The following EVL variants were observed in gnomAD, a reference collection of about 807,000 sequenced individuals.
EVL encodes Enah/Vasp-like.
In EVL, 21 loss-of-function variants were observed where a neutral mutation model predicts 59.6. The observed-to-expected ratio is 0.35, with a 90% CI of 0.25 to 0.51. The LOEUF is 0.51. Ranked by LOEUF, EVL falls within the 20% of genes least tolerant of loss-of-function variation. The probability of loss-of-function intolerance (pLI) is 0.97; values close to 1 mark genes in which losing one functional copy is unlikely to be tolerated. For missense variants in EVL, 462 were observed against 546.6 expected (o/e 0.85, Z 1.54); for synonymous variants, 198 against 203.5 (o/e 0.97, Z 0.23).
intron 1 of EVL, among the ~76,000 whole-genome samples, chr14:100,043,778 A>T (rs1034455343): frequency 6.6e-6 from 1 of 151,416 alleles, no homozygotes; most frequent in African/African-American, 2.4e-5. Context: ...ATGCCTGGCT[A>T]ATTTTTAAAT....
intron 1 of EVL, among the ~76,000 whole-genome samples, chr14:100,027,098 T>C (rs1476030089): frequency 6.6e-6 from 1 of 152,218 alleles, no homozygotes; most frequent in Non-Finnish European, 1.5e-5. Context: ...AATTATTTAT[T>C]TATAAAAATT....
chr14:100,038,771 G>GGGGTGTGTGTGTGTGT (rs375810603), intron 1 of EVL, among the ~76,000 whole-genome samples: 38 of 141,006 alleles, frequency 2.7e-4, no homozygotes, highest in Non-Finnish European at 3.2e-4. Flanking sequence ...TGTGCCCTGG[G>GGGGTGTGTGTGTGTGT]GTGTGTGTGT....
intron 9 of EVL, 151 bp downstream of exon 9, chr14:100,136,119 A>G (rs79050653): frequency 3.9e-4 from 87 of 224,762 alleles, no homozygotes; most frequent in Admixed American, 8.6e-4. Flanking sequence ...TGGGTCCCCC[A>G]GAGCCTCCCC....
intron 1 of EVL, among the ~76,000 whole-genome samples, chr14:100,066,278 CA>C (rs1430257654): frequency 6.6e-6 from 1 of 152,156 alleles, no homozygotes; most frequent in Non-Finnish European, 1.5e-5. Context: ...GCCATTTCGC[CA>C]GTTTTCTTAT....
intron 1 of EVL, among the ~76,000 whole-genome samples, chr14:100,024,806 C>CT (rs2061182907): frequency 6.6e-6 from 1 of 152,094 alleles, no homozygotes; most frequent in Admixed American, 6.5e-5. Context: ...TCAAACATGT[C>CT]TAACACGGTT....
At chr14:100,034,612 T>C (rs1368439505) in intron 1 of EVL, among the ~76,000 whole-genome samples, 1 of 151,960 alleles carries the variant, frequency 6.6e-6, no homozygotes, top group African/African-American at 2.4e-5. Flanking sequence ...TGGTACATGC[T>C]TGTGGGCCCA....
intron 1 of EVL, among the ~76,000 whole-genome samples, chr14:100,047,284 T>C (rs2061569529): frequency 6.6e-6 from 1 of 151,968 alleles, no homozygotes. Flanking sequence ...TAGTTACCAT[T>C]GGCTAGATGG....
In EVL at chr14:100,138,047, G is replaced by A. The variant is rs1888924020; in HGVS notation, c.1094+245G>A. The A allele has an allele frequency of 2.0e-5, 12 of 587,362 alleles. No individual in the cohort carries two copies. The South Asian group carries it at 2.2e-4, about 11-fold the overall frequency. The allele number at this position is 587,362 out of a possible 1,614,324, so 36.4% of individuals were successfully genotyped here. A position where few individuals can be genotyped will look rare whatever the true frequency, so the allele number is the denominator to read the frequency against. ...GACCTGTCCACAGAGGTAGTGCAGG[G>A]GGGGGCCAACATGGAGTCCCAGCTC... On this transcript the variant is annotated intron_variant, in intron 11 of 13. Transcript: ENST00000392920.
chr14:100,133,055 C>T (rs940887552), intron 8 of EVL, among the ~76,000 whole-genome samples: 10 of 152,252 alleles, frequency 6.6e-5, no homozygotes, highest in Admixed American at 2.0e-4. Context: ...AGGGCTACCT[C>T]GCCTTCCCAG....
intron 3 of EVL, among the ~76,000 whole-genome samples, chr14:100,100,608 T>C (rs1367746296): frequency 6.6e-6 from 1 of 152,000 alleles, no homozygotes; most frequent in Non-Finnish European, 1.5e-5. Flanking sequence ...GTCATGTAAA[T>C]GAAATCATAC....
chr14:100,055,880 C>T (rs981582324), intron 1 of EVL, among the ~76,000 whole-genome samples: 3 of 151,992 alleles, frequency 2.0e-5, no homozygotes, highest in Non-Finnish European at 4.4e-5. Context: ...GGCTCGATCT[C>T]GGCTCACCAC....
chr14:100,022,669 A>G (rs987621254), intron 1 of EVL, among the ~76,000 whole-genome samples: 6 of 152,202 alleles, frequency 3.9e-5, no homozygotes, highest in Admixed American at 6.5e-5. Context: ...GAATTCATAA[A>G]AACAACAGAA....
chr14:100,102,840 G>C (rs1886308489), intron 3 of EVL, among the ~76,000 whole-genome samples: 2 of 152,192 alleles, frequency 1.3e-5, no homozygotes, highest in South Asian at 4.1e-4. Context: ...GCTCACGCCT[G>C]TAATCCCACC....
intron 3 of EVL, among the ~76,000 whole-genome samples, chr14:100,117,440 C>A (rs1407657832): frequency 2.0e-5 from 3 of 152,242 alleles, no homozygotes; most frequent in African/African-American, 7.2e-5. Context: ...TGTCTCTGTG[C>A]CCCGCTTGAC....
intron 1 of EVL, among the ~76,000 whole-genome samples, chr14:100,002,535 A>C (rs1392853187): frequency 6.6e-6 from 1 of 152,212 alleles, no homozygotes; most frequent in Non-Finnish European, 1.5e-5. Flanking sequence ...CATTTATACA[A>C]ATACAGCCCA....
At chr14:100,041,844 C>T (rs1008672492) in intron 1 of EVL, among the ~76,000 whole-genome samples, 4 of 152,118 alleles carry the variant, frequency 2.6e-5, no homozygotes, top group African/African-American at 9.7e-5. Context: ...CTAGAAAACC[C>T]TATCTGAAAG....
At chr14:100,097,426 G>A (rs1022814367) in intron 2 of EVL, 55 bp from the exon 3 acceptor site, 20 of 1,520,194 alleles carry the variant, frequency 1.3e-5, no homozygotes, top group Middle Eastern at 3.6e-4. Flanking sequence ...CAGCGCCCTC[G>A]AGCTCACTTA....
At chr14:100,106,219 A>G (rs1886560554) in intron 3 of EVL, 2 of 152,260 alleles carry the variant, frequency 1.3e-5, no homozygotes, top group African/African-American at 4.8e-5. Flanking sequence ...GAAAAACTCA[A>G]GCCAGAGCTT....
chr14:100,036,312 G>A (rs537613409), intron 1 of EVL, among the ~76,000 whole-genome samples: 3 of 152,268 alleles, frequency 2.0e-5, no homozygotes, highest in South Asian at 4.1e-4. Context: ...GTTGGGGACC[G>A]CTGCTCTATG....
Sources: allele counts gnomAD v4.1 joint callset (sites outside exome capture counted in the v4.1 genomes callset), GRCh38; gene constraint gnomAD v4.1.1; transcripts MANE v1.5; gene names NCBI Gene and HGNC (gene_info 2026-07-23, HGNC 2026-07-21).